The following ERGIC1 variants were observed in gnomAD, a reference collection of about 807,000 sequenced individuals.
ERGIC1 encodes the protein endoplasmic reticulum-Golgi intermediate compartment protein 1.
Under a neutral mutation model 38.3 loss-of-function variants are expected in ERGIC1, and 19 were observed. That is an observed-to-expected ratio of 0.50 (90% CI 0.35 to 0.73). The LOEUF (loss-of-function observed/expected upper bound fraction) is 0.73, where lower values mean the gene tolerates loss of function less well. Among genes scored for constraint, ERGIC1 ranks in the 30% least tolerant of loss-of-function variants. ERGIC1 has a pLI of 0.01. For synonymous variants in ERGIC1, 124 were observed against 157.6 expected, an observed-to-expected ratio of 0.79 and a Z score of 1.60; for missense variants, 294 against 389.2, an observed-to-expected ratio of 0.76 and a Z score of 2.06.
chr5:172,867,545 T>C, intron 1 of ERGIC1: 1 of 446,282 alleles, frequency 2.2e-6, no homozygotes, highest in South Asian at 1.6e-5. Flanking sequence ...AGGCAGGCCT[T>C]GGCTCACTGC....
intron 1 of ERGIC1, among the ~76,000 whole-genome samples, chr5:172,845,041 TATA>T (rs772388184): frequency 1.1e-3 from 39 of 34,300 alleles, no homozygotes; most frequent in Admixed American, 5.3e-3. Flanking sequence ...CGCAGGGGTA[TATA>T]GGGGGGACAG....
chr5:172,893,012 C>G (rs917095377), intron 2 of ERGIC1, among the ~76,000 whole-genome samples: 1 of 152,182 alleles, frequency 6.6e-6, no homozygotes, highest in African/African-American at 2.4e-5. Flanking sequence ...CTTTCCATCC[C>G]ATCCCCCCAG....
At chr5:172,913,962 C>T (rs375137496) in intron 4 of ERGIC1, among the ~76,000 whole-genome samples, 6 of 152,108 alleles carry the variant, frequency 3.9e-5, no homozygotes, top group Admixed American at 2.6e-4. Flanking sequence ...AGGCCAGGAA[C>T]GGTGGCCTAC....
At chr5:172,876,498 A>C (rs1387892401) in intron 1 of ERGIC1, among the ~76,000 whole-genome samples, 1 of 152,186 alleles carries the variant, frequency 6.6e-6, no homozygotes, top group African/African-American at 2.4e-5. Flanking sequence ...TGTTTTTAGG[A>C]AGTATCCTTA....
Position 172,834,576 on chromosome 5 carries a change from G to C in ERGIC1, c.20+143G>C. 1 of 711,134 alleles carries C rather than the reference G, an allele frequency of 1.4e-6. No homozygotes were observed. The highest frequency in any genetic ancestry group is 1.8e-6 in the Non-Finnish European group (1 of 568,944). 44.1% of individuals were successfully genotyped at this position (711,134 alleles called of 1,614,324 possible). On this transcript the variant is annotated intron_variant, in intron 1 of 9. Coordinates refer to ENST00000393784, the MANE Select transcript of ERGIC1 (RefSeq NM_001031711.3). This position sits in a 1 kb window ranked among gnomAD's most constrained non-coding sequence, Gnocchi z 4.1. Reference sequence around the variant, plus strand: ...CTCCGCAGGCCCCTAGGGACCCCAGGCGAGCCCCCCCCCTGCCGCACACGA... The same window carrying C: ...CTCCGCAGGCCCCTAGGGACCCCAGCCGAGCCCCCCCCCTGCCGCACACGA...
At position 172,950,854 on chromosome 5, in the gene ERGIC1, C is replaced by T. The variant is rs372693294; in HGVS notation, c.*38C>T. ...CCTAATGGCCGAGGACCCTGGGCAT[C>T]GCCAGCCTTGCCTCCAGTGCCCTGT... On this transcript the variant is annotated 3_prime_UTR_variant, in exon 10 of 10. Coordinates refer to ENST00000393784, the MANE Select transcript of ERGIC1 (RefSeq NM_001031711.3). 2.1e-5 allele frequency: 32 copies of T among 1,560,968 alleles called. No homozygotes were observed. In the East Asian group the frequency reaches 3.2e-4, roughly 16 times the overall value.
In ERGIC1 at chr5:172,877,438, G is replaced by A. The variant is rs199505919; in HGVS notation, c.21-11261G>A. Among the ~76,000 whole-genome samples, 323 of 91,424 alleles carry A rather than the reference G, an allele frequency of 3.5e-3. 3 individuals carry two copies. Among genetic ancestry groups the A allele is most frequent in the South Asian group, 0.025 (68 of 2,752 alleles). 60.0% of individuals were successfully genotyped at this position (91,424 alleles called of 152,430 possible). On this transcript the variant is annotated intron_variant, in intron 1 of 9. Transcript: ENST00000393784. ...TGTGTGTGTGTGTGTGTGTGTGTGTGTGTATATATATATATATATATTTTT... is the reference window on the plus strand; with the variant it reads ...TGTGTGTGTGTGTGTGTGTGTGTGTATGTATATATATATATATATATTTTT...
At chr5:172,853,507 G>C (rs1322899676) in intron 1 of ERGIC1, among the ~76,000 whole-genome samples, 1 of 152,216 alleles carries the variant, frequency 6.6e-6, no homozygotes, top group Non-Finnish European at 1.5e-5. Flanking sequence ...TAGGGAAGGA[G>C]TGGCCCATTT....
chr5:172,867,132 A>C, intron 1 of ERGIC1: 3 of 450,010 alleles, frequency 6.7e-6, no homozygotes, highest in Non-Finnish European at 1.4e-5. Context: ...TCTGCAAGCC[A>C]AGGGTTTGAG....
At chr5:172,861,422 G>A (rs1217425865) in intron 1 of ERGIC1, among the ~76,000 whole-genome samples, 2 of 152,184 alleles carry the variant, frequency 1.3e-5, no homozygotes, top group Non-Finnish European at 2.9e-5. Context: ...CCCTCCATGG[G>A]AACCTCGGTT....
In ERGIC1 at chr5:172,891,761, A is replaced by G. The variant is rs556682193; in HGVS notation, c.82+3001A>G. On this transcript the variant is annotated intron_variant, in intron 2 of 9. Transcript: ENST00000393784. ...GGCCTATTTAGGCTTTGATATACCT[A>G]TATCACTGTTTGAAACACAAAAGGG... Among the ~76,000 whole-genome samples, 10 of 152,236 alleles carry G rather than the reference A, an allele frequency of 6.6e-5. No homozygotes were observed. In the South Asian group the frequency reaches 1.5e-3, roughly 22 times the overall value.
chr5:172,914,457 C>T, intron 4 of ERGIC1: 1 of 573,918 alleles, frequency 1.7e-6, no homozygotes. Context: ...AGGCAGGACC[C>T]AGATTCAGAG....
At chr5:172,884,186 T>A (rs1208062516) in intron 1 of ERGIC1, among the ~76,000 whole-genome samples, 2 of 152,048 alleles carry the variant, frequency 1.3e-5, no homozygotes, top group African/African-American at 2.4e-5. Flanking sequence ...TAATCTGTGA[T>A]GATTGTTATT....
At chr5:172,864,246 A>G (rs13176814) in intron 1 of ERGIC1, among the ~76,000 whole-genome samples, 22,219 of 149,202 alleles carry the variant, frequency 0.15, 1,986 homozygotes, top group East Asian at 0.36. Flanking sequence ...ACTACACACA[A>G]TGACAATAAA....
intron 6 of ERGIC1, among the ~76,000 whole-genome samples, chr5:172,925,508 G>T (rs544070650): frequency 6.6e-6 from 1 of 152,244 alleles, no homozygotes; most frequent in Non-Finnish European, 1.5e-5. Flanking sequence ...AACATCAGCC[G>T]CCTGAGACCA....
intron 1 of ERGIC1, among the ~76,000 whole-genome samples, chr5:172,844,980 A>G (rs1419459595): frequency 6.6e-6 from 1 of 152,088 alleles, no homozygotes; most frequent in Non-Finnish European, 1.5e-5. Context: ...CCCTCAGTGC[A>G]TCCTCAAGTC....
intron 5 of ERGIC1, chr5:172,920,678 G>A (rs1763488410): frequency 5.8e-6 from 3 of 517,318 alleles, no homozygotes; most frequent in South Asian, 2.1e-5. Context: ...AGCCTCGCAC[G>A]GCCCGGCAGG....
intron 3 of ERGIC1, among the ~76,000 whole-genome samples, chr5:172,899,542 C>T (rs927106745): frequency 6.6e-6 from 1 of 152,058 alleles, no homozygotes; most frequent in Non-Finnish European, 1.5e-5. Flanking sequence ...GTCTCGAACT[C>T]CTGACCTCAA....
At chr5:172,904,249 C>T (rs374111749) in intron 3 of ERGIC1, among the ~76,000 whole-genome samples, 2 of 152,228 alleles carry the variant, frequency 1.3e-5, no homozygotes, top group Non-Finnish European at 2.9e-5. Flanking sequence ...TGTTTACACA[C>T]GTAACCATCA....
Sources: allele counts gnomAD v4.1 joint callset (sites outside exome capture counted in the v4.1 genomes callset), GRCh38; gene constraint gnomAD v4.1.1; non-coding constraint Gnocchi (gnomAD v3.1); transcripts MANE v1.5; gene names NCBI Gene and HGNC (gene_info 2026-07-23, HGNC 2026-07-21).